Variants in SAMSN1 observed in about 807,000 individuals in gnomAD.
SAMSN1 encodes the protein SAM domain-containing protein SAMSN-1.
Under a neutral mutation model 42.0 loss-of-function variants are expected in SAMSN1, and 31 were observed. The observed-to-expected ratio is 0.74, with a 90% CI of 0.55 to 1.00. The LOEUF (loss-of-function observed/expected upper bound fraction) is 1.00, where lower values mean the gene tolerates loss of function less well. SAMSN1 is among the 50% of genes least tolerant of loss of function. The pLI is 0.00. For missense variants in SAMSN1, 464 were observed against 439.4 expected, an observed-to-expected ratio of 1.06 and a Z score of -0.50; for synonymous variants, 178 against 151.9, an observed-to-expected ratio of 1.17 and a Z score of -1.26.
At chr21:14,586,279 G>A (rs394523), upstream of SAMSN1, among the ~76,000 whole-genome samples, 96,504 of 125,674 alleles carry the variant, frequency 0.77, 37,339 homozygotes, top group Admixed American at 0.81. Flanking sequence ...AAAAAAAAAA[G>A]AAAAAGAAAA....
chr21:14,621,515 A>T (rs1291112160), intron 2 of SAMSN1, among the ~76,000 whole-genome samples: 2 of 152,214 alleles, frequency 1.3e-5, no homozygotes, highest in Non-Finnish European at 2.9e-5. Flanking sequence ...CCTGGCTCAG[A>T]GGATCCCATG....
At chr21:14,577,791 C>T (rs1981556951) in intron 2 of SAMSN1, among the ~76,000 whole-genome samples, 1 of 152,150 alleles carries the variant, frequency 6.6e-6, no homozygotes, top group Non-Finnish European at 1.5e-5. Flanking sequence ...GATCATCATC[C>T]TTGGTTTTTC....
chr21:14,606,339 T>C (rs1298888985), intron 5 of SAMSN1, among the ~76,000 whole-genome samples: 1 of 152,176 alleles, frequency 6.6e-6, no homozygotes, highest in African/African-American at 2.4e-5. Flanking sequence ...TCCAAATATG[T>C]TTTGTTTCCT....
At chr21:14,571,942 T>G (rs1025393084) in intron 2 of SAMSN1, among the ~76,000 whole-genome samples, 6 of 152,206 alleles carry the variant, frequency 3.9e-5, no homozygotes, top group African/African-American at 1.4e-4. Flanking sequence ...TTGGGCAAAC[T>G]ATATGAAATA....
chr21:14,655,243 G>C (rs1020371588), intron 1 of SAMSN1, among the ~76,000 whole-genome samples: 1 of 151,688 alleles, frequency 6.6e-6, no homozygotes, highest in Non-Finnish European at 1.5e-5. Flanking sequence ...ATTAGAAAAT[G>C]CTGAGTTCAC....
intron 5 of SAMSN1, among the ~76,000 whole-genome samples, chr21:14,503,161 A>G (rs1418975134): frequency 1.3e-5 from 2 of 152,148 alleles, no homozygotes; most frequent in Non-Finnish European, 2.9e-5. Flanking sequence ...CATTTAGTGT[A>G]CTGAATTATT....
At position 14,636,651 on chromosome 21, in the gene SAMSN1, C is replaced by A. The variant is rs532399622; in HGVS notation, c.156+6351G>T. On this transcript the variant is annotated intron_variant, in intron 2 of 15. Coordinates refer to the SAMSN1 transcript ENST00000647101. ...AGGTAACAAGATCAGGAGATTGAGA[C>A]CATCCTGGCCAACATGGTGAAACCC... is the stretch of plus-strand genomic sequence containing the variant. 6.6e-5 allele frequency among the ~76,000 whole-genome samples: 10 copies of A among 152,240 alleles called. No homozygotes were observed. In the South Asian group the frequency reaches 1.9e-3, roughly 28 times the overall value.
At chr21:14,537,766 C>T (rs1341801840) in intron 1 of SAMSN1, among the ~76,000 whole-genome samples, 2 of 152,086 alleles carry the variant, frequency 1.3e-5, no homozygotes, top group Non-Finnish European at 2.9e-5. Context: ...AAACCATCAA[C>T]CTAGAGCATC....
chr21:14,530,815 C>T (rs1232982733), intron 1 of SAMSN1, among the ~76,000 whole-genome samples: 1 of 152,098 alleles, frequency 6.6e-6, no homozygotes, highest in African/African-American at 2.4e-5. Flanking sequence ...CAAATTATTT[C>T]CCTGAGCAAA....
intron 7 of SAMSN1, among the ~76,000 whole-genome samples, chr21:14,488,404 G>T (rs1986535255): frequency 6.6e-6 from 1 of 151,994 alleles, no homozygotes. Context: ...ACCAATTGTG[G>T]GGCTCTCTTC....
intron 6 of SAMSN1, among the ~76,000 whole-genome samples, chr21:14,499,575 T>A (rs1303816806): frequency 1.3e-5 from 2 of 151,366 alleles, no homozygotes; most frequent in Non-Finnish European, 2.9e-5. Context: ...TGAATTAGAA[T>A]AAAGAACACA....
At chr21:14,653,772 T>C (rs1254064950) in intron 1 of SAMSN1, among the ~76,000 whole-genome samples, 1 of 151,850 alleles carries the variant, frequency 6.6e-6, no homozygotes, top group African/African-American at 2.4e-5. Context: ...CATAAATATA[T>C]ATACCTACTA....
At chr21:14,623,608 G>A (rs572272364) in intron 2 of SAMSN1, among the ~76,000 whole-genome samples, 28 of 152,230 alleles carry the variant, frequency 1.8e-4, no homozygotes, top group Admixed American at 5.2e-4. Flanking sequence ...CAAAACAGAA[G>A]CACCCAGATT....
At chr21:14,494,037 G>T (rs1188326533) in intron 7 of SAMSN1, among the ~76,000 whole-genome samples, 1 of 152,108 alleles carries the variant, frequency 6.6e-6, no homozygotes, top group African/African-American at 2.4e-5. Context: ...TTAGAATCAG[G>T]ATCATTAAAA....
chr21:14,499,906 A>C (rs535658794), intron 6 of SAMSN1, among the ~76,000 whole-genome samples: 61 of 152,326 alleles, frequency 4.0e-4, no homozygotes, highest in African/African-American at 1.4e-3. Context: ...ATGGATTGCA[A>C]AACTGTAAAT....
At chr21:14,619,648 C>T (rs1411479533) in intron 2 of SAMSN1, 2 of 317,724 alleles carry the variant, frequency 6.3e-6, no homozygotes, top group Admixed American at 8.1e-5. Context: ...ATTTCCTCAC[C>T]TATCACAAAG....
chr21:14,629,376 A>C (rs889826525), intron 2 of SAMSN1, among the ~76,000 whole-genome samples: 1 of 152,154 alleles, frequency 6.6e-6, no homozygotes, highest in Admixed American at 6.6e-5. Flanking sequence ...GAACCAATGA[A>C]TTTAGATGAC....
Position 14,611,547 on chromosome 21 carries a change from A to G in SAMSN1, c.235+1329T>C, listed in dbSNP as rs139465780. On this transcript the variant is annotated intron_variant, in intron 4 of 15. Coordinates refer to the SAMSN1 transcript ENST00000647101. ...TGATCATCAAGAACTGTGTTAGGAT[A>G]GAAATATTGGTTGTACTGTATGTGC... Among the ~76,000 whole-genome samples the G allele has an allele frequency of 4.7e-3, 709 of 152,366 alleles. 6 individuals carry two copies. The highest frequency in any genetic ancestry group is 0.023 in the South Asian group (111 of 4,824).
chr21:14,643,915 G>A (rs1219326079), intron 1 of SAMSN1, among the ~76,000 whole-genome samples: 1 of 152,176 alleles, frequency 6.6e-6, no homozygotes, highest in African/African-American at 2.4e-5. Flanking sequence ...TGTCCTGTTA[G>A]AGAAGAAAGA....
Sources: allele counts gnomAD v4.1 joint callset (sites outside exome capture counted in the v4.1 genomes callset), GRCh38; gene constraint gnomAD v4.1.1; transcripts MANE v1.5; gene names NCBI Gene and HGNC (gene_info 2026-07-23, HGNC 2026-07-21).